Variants in KHDC1 observed in about 807,000 individuals in gnomAD.
The protein encoded by KHDC1 is KH domain containing 1.
KHDC1 carries 21 observed loss-of-function variants against 24.7 expected under a neutral mutation model. The observed-to-expected ratio is 0.85, with a 90% CI of 0.60 to 1.23. The LOEUF (loss-of-function observed/expected upper bound fraction) is 1.23, where lower values mean the gene tolerates loss of function less well. KHDC1 is among the 50% of genes most tolerant of loss of function. KHDC1 has a pLI of 0.00. For synonymous variants in KHDC1, 98 were observed against 111.7 expected, an observed-to-expected ratio of 0.88 and a Z score of 0.77; for missense variants, 274 against 298.5, an observed-to-expected ratio of 0.92 and a Z score of 0.61.
At chr6:73,296,494 ATATCCT>A (rs1245529266) in intron 1 of KHDC1, among the ~76,000 whole-genome samples, 1 of 152,182 alleles carries the variant, frequency 6.6e-6, no homozygotes, top group Non-Finnish European at 1.5e-5. Flanking sequence ...AATGTATCAG[ATATCCT>A]TAAATGCTTC....
intron 2 of KHDC1, among the ~76,000 whole-genome samples, chr6:73,288,839 G>T (rs997080584): frequency 6.6e-5 from 10 of 150,960 alleles, no homozygotes; most frequent in Non-Finnish European, 8.8e-5. Flanking sequence ...ATTACTGACA[G>T]GTGGTAGAGG....
chr6:73,291,152 C>G, intron 2 of KHDC1: 2 of 500,324 alleles, frequency 4.0e-6, no homozygotes, highest in Non-Finnish European at 8.0e-6. Context: ...GCCCTCTGTG[C>G]CTATTCAGCA....
chr6:73,290,864 C>T lies in KHDC1; in HGVS notation c.206+1134G>A, dbSNP rs529966677. 4 of 353,400 alleles carry T rather than the reference C, an allele frequency of 1.1e-5. No homozygotes were observed. The East Asian group carries it at 2.7e-4, about 24-fold the overall frequency. The allele number at this position is 353,400 out of a possible 1,614,324, so 21.9% of individuals were successfully genotyped here. A position where few individuals can be genotyped will look rare whatever the true frequency, so the allele number is the denominator to read the frequency against. On this transcript the variant is annotated intron_variant, in intron 2 of 4. Coordinates refer to ENST00000370384, the Ensembl canonical transcript of KHDC1. The stretch of plus-strand genomic sequence containing the variant: ...ACCACTGCTGTATGTAACAGATTCT[C>T]CTCTGAGCTATGTGGATATTGTCAT...
chr6:73,279,509 T>G (rs1476694782), intron 2 of KHDC1, among the ~76,000 whole-genome samples: 1 of 152,016 alleles, frequency 6.6e-6, no homozygotes, highest in African/African-American at 2.4e-5. Flanking sequence ...AATTGCATAT[T>G]AATAATTGGG....
At chr6:73,308,869 T>C (rs773145176) in intron 1 of KHDC1, among the ~76,000 whole-genome samples, 6 of 152,352 alleles carry the variant, frequency 3.9e-5, no homozygotes, top group Non-Finnish European at 7.3e-5. Context: ...TCTCGCTCTG[T>C]TGCCCAGCCT....
chr6:73,261,214 G>A (rs1394486020), intron 2 of KHDC1, among the ~76,000 whole-genome samples: 2 of 152,232 alleles, frequency 1.3e-5, no homozygotes, highest in South Asian at 2.1e-4. Context: ...AGGCCAAGGT[G>A]AGCAGATTAC....
chr6:73,286,972 G>T (rs534649033), intron 2 of KHDC1, among the ~76,000 whole-genome samples: 15 of 152,116 alleles, frequency 9.9e-5, no homozygotes, highest in Non-Finnish European at 1.9e-4. Flanking sequence ...TACCAGGATG[G>T]CTCCCAGAAG....
At chr6:73,241,545 C>T (rs778100429) in exon 5 of KHDC1, 2 of 1,614,062 alleles carry the variant, frequency 1.2e-6, no homozygotes, top group Non-Finnish European at 1.7e-6. Flanking sequence ...ATACAGTGAA[C>T]TCAAATGGAA....
chr6:73,287,862 T>C lies in KHDC1; in HGVS notation c.206+4136A>G, dbSNP rs561287891. Reference sequence around the variant, plus strand: ...GGTCCATAACCCACCTAGTGATCATTTTCTCAGCTTCCAAATGTATACTTG... The same window carrying C: ...GGTCCATAACCCACCTAGTGATCATCTTCTCAGCTTCCAAATGTATACTTG... On this transcript the variant is annotated intron_variant, in intron 2 of 4. Coordinates refer to ENST00000370384, the Ensembl canonical transcript of KHDC1. Among the ~76,000 whole-genome samples the C allele has an allele frequency of 2.0e-5, 3 of 152,282 alleles. No homozygotes were observed. The South Asian group carries it at 6.2e-4, about 32-fold the overall frequency.
At chr6:73,252,752 G>A (rs1766803947) in intron 2 of KHDC1, among the ~76,000 whole-genome samples, 2 of 151,960 alleles carry the variant, frequency 1.3e-5, no homozygotes, top group Admixed American at 1.3e-4. Flanking sequence ...GGTAAACGAA[G>A]GTTGCAGTGA....
At chr6:73,252,135 C>T (rs938832346) in intron 2 of KHDC1, among the ~76,000 whole-genome samples, 14 of 151,832 alleles carry the variant, frequency 9.2e-5, no homozygotes, top group Non-Finnish European at 8.8e-5. Flanking sequence ...CTCTACCTCC[C>T]AGGCTCAAAC....
intron 2 of KHDC1, among the ~76,000 whole-genome samples, chr6:73,246,127 A>G (rs1469228621): frequency 2.0e-5 from 3 of 152,208 alleles, no homozygotes; most frequent in Non-Finnish European, 4.4e-5. Flanking sequence ...CTTAATTTCC[A>G]AAGTTCTCTG....
intron 2 of KHDC1, among the ~76,000 whole-genome samples, chr6:73,288,849 G>A (rs76006899): frequency 0.015 from 2,257 of 150,112 alleles, 26 homozygotes; most frequent in East Asian, 0.055. Flanking sequence ...GGTGGTAGAG[G>A]TAGGGAGTGT....
chr6:73,255,858 C>T (rs377658012), intron 2 of KHDC1, among the ~76,000 whole-genome samples: 3 of 148,310 alleles, frequency 2.0e-5, no homozygotes, highest in Non-Finnish European at 4.4e-5. Context: ...GCTGAGATCA[C>T]GCCACTGCAC....
chr6:73,275,895 A>T (rs1411621925), intron 2 of KHDC1: 1 of 152,832 alleles, frequency 6.5e-6, no homozygotes, highest in Non-Finnish European at 1.5e-5. Context: ...GAAATATGAC[A>T]AAAGGCTGAT....
chr6:73,248,896 A>G (rs986589941), intron 2 of KHDC1, among the ~76,000 whole-genome samples: 2 of 151,524 alleles, frequency 1.3e-5, no homozygotes, highest in African/African-American at 4.8e-5. Flanking sequence ...TTACAAATAA[A>G]TTATTACATT....
chr6:73,283,641 CTT>C lies in KHDC1; in HGVS notation c.206+8355_206+8356del, dbSNP rs35786607. On this transcript the variant is annotated intron_variant, in intron 2 of 4. Transcript: ENST00000370384. ...AAGCTTTACCTCACTGGTTTTCATT[CTT>C]TTTTTTTTTTTTTTGGAGACAGAGT... Among the ~76,000 whole-genome samples the C allele has an allele frequency of 5.4e-3, 720 of 133,990 alleles. 2 individuals carry two copies. Among genetic ancestry groups the C allele is most frequent in the Non-Finnish European group, 8.4e-3 (522 of 61,834 alleles). The allele number at this position is 133,990 out of a possible 152,430, so 87.9% of individuals were successfully genotyped here. A position where few individuals can be genotyped will look rare whatever the true frequency, so the allele number is the denominator to read the frequency against.
At chr6:73,266,045 A>C (rs541575313) in intron 2 of KHDC1, among the ~76,000 whole-genome samples, 144 of 152,270 alleles carry the variant, frequency 9.5e-4, no homozygotes, top group African/African-American at 3.3e-3. Flanking sequence ...CATTGACAAA[A>C]AGCATGCCAT....
intron 2 of KHDC1, among the ~76,000 whole-genome samples, chr6:73,243,177 T>G (rs1766607814): frequency 6.6e-6 from 1 of 152,040 alleles, no homozygotes; most frequent in South Asian, 2.1e-4. Flanking sequence ...TTGTGGAATG[T>G]TCTCTCTCTC....
Sources: gnomAD v4.1 joint callset for allele counts (sites outside exome capture counted in the v4.1 genomes callset) on GRCh38, gnomAD v4.1.1 for gene constraint, MANE v1.5 for transcripts, NCBI Gene and HGNC (gene_info 2026-07-23, HGNC 2026-07-21) for gene names.